Variants in VWA3B observed in about 807,000 individuals in gnomAD.
VWA3B encodes the protein von Willebrand factor A domain-containing protein 3B.
A neutral mutation model predicts 158.3 loss-of-function variants in VWA3B; 138 were observed. The observed-to-expected ratio is 0.87, with a 90% CI of 0.76 to 1.00. VWA3B has a LOEUF of 1.00. Ranked by LOEUF, VWA3B falls within the 50% of genes least tolerant of loss-of-function variation. The probability of loss-of-function intolerance (pLI) is 0.00; values close to 1 mark genes in which losing one functional copy is unlikely to be tolerated. For synonymous variants in VWA3B, 596 were observed against 587.3 expected, an observed-to-expected ratio of 1.01 and a Z score of -0.21; for missense variants, 1,555 against 1,565.1, an observed-to-expected ratio of 0.99 and a Z score of 0.11.
At chr2:98,171,245 A>G (rs1679558213) in intron 8 of VWA3B, among the ~76,000 whole-genome samples, 1 of 152,222 alleles carries the variant, frequency 6.6e-6, no homozygotes, top group South Asian at 2.1e-4. Context: ...TACATGAACC[A>G]TCTCTTGCTC....
intron 12 of VWA3B, among the ~76,000 whole-genome samples, chr2:98,202,065 T>TA (rs1682590203): frequency 1.3e-5 from 2 of 152,306 alleles, no homozygotes; most frequent in Admixed American, 1.3e-4. Context: ...TCTTTTTTTC[T>TA]AAAAAAGGTT....
At chr2:98,330,183 C>G in the VWA3B span, among the ~76,000 whole-genome samples, 2 of 152,188 alleles carry the variant, frequency 1.3e-5, no homozygotes, top group African/African-American at 4.8e-5. Flanking sequence ...TAATGCTAGA[C>G]AGCCAACATC....
At chr2:98,104,162 CTTAA>C (rs1017264542) in intron 2 of VWA3B, among the ~76,000 whole-genome samples, 5 of 152,140 alleles carry the variant, frequency 3.3e-5, no homozygotes, top group African/African-American at 9.7e-5. Context: ...TTGCATATGT[CTTAA>C]TTAATTAATT....
At chr2:98,247,061 G>A (rs13413281) in intron 19 of VWA3B, among the ~76,000 whole-genome samples, 7,630 of 151,232 alleles carry the variant, frequency 0.05, 619 homozygotes, top group African/African-American at 0.17. Context: ...GTAGTGGTGT[G>A]ATCTCGGCTC....
At chr2:98,258,751 A>G (rs1208551098) in intron 21 of VWA3B, among the ~76,000 whole-genome samples, 4 of 151,804 alleles carry the variant, frequency 2.6e-5, no homozygotes, top group African/African-American at 7.3e-5. Flanking sequence ...GGGGTTTTCT[A>G]TATATAGAAA....
At chr2:98,267,294 A>G (rs1003186039) in intron 21 of VWA3B, among the ~76,000 whole-genome samples, 25 of 151,434 alleles carry the variant, frequency 1.7e-4, no homozygotes, top group Admixed American at 2.0e-4. Flanking sequence ...TTCTGCATCT[A>G]TTGAGATAAT....
intron 22 of VWA3B, among the ~76,000 whole-genome samples, chr2:98,281,788 A>C (rs1208345551): frequency 6.6e-6 from 1 of 152,096 alleles, no homozygotes; most frequent in Non-Finnish European, 1.5e-5. Flanking sequence ...TTTGTAGACA[A>C]GGCTAAATCA....
chr2:98,251,522 T>C (rs1300892934), intron 20 of VWA3B, among the ~76,000 whole-genome samples: 1 of 152,160 alleles, frequency 6.6e-6, no homozygotes, highest in African/African-American at 2.4e-5. Context: ...TAATTAATCC[T>C]GGGTGCACAA....
chr2:98,135,481 G>A (rs901431140), intron 7 of VWA3B, among the ~76,000 whole-genome samples: 9 of 148,264 alleles, frequency 6.1e-5, no homozygotes, highest in Non-Finnish European at 1.1e-4. Context: ...GACTACAGGC[G>A]CCCGCCACTA....
At chr2:98,215,548 G>A (rs1185285026) in intron 13 of VWA3B, among the ~76,000 whole-genome samples, 1 of 151,418 alleles carries the variant, frequency 6.6e-6, no homozygotes, top group Non-Finnish European at 1.5e-5. Context: ...GACAGAGTCT[G>A]GCTCTGTCGC....
intron 5 of VWA3B, among the ~76,000 whole-genome samples, chr2:98,124,423 C>T (rs1435244847): frequency 6.6e-6 from 1 of 152,056 alleles, no homozygotes. Flanking sequence ...GACCCTGAAA[C>T]CTGGGAGGCC....
At chr2:98,241,946 C>T (rs2105762327) in intron 19 of VWA3B, among the ~76,000 whole-genome samples, 1 of 152,266 alleles carries the variant, frequency 6.6e-6, no homozygotes, top group Middle Eastern at 3.4e-3. Flanking sequence ...ACACCCTCAG[C>T]TATAAATGGA....
rs1574283650 is a variant in VWA3B at position 98,287,713 on chromosome 2, T to C, written c.3046-2798T>C. On this transcript the variant is annotated intron_variant, in intron 22 of 27. Coordinates refer to ENST00000477737, the MANE Select transcript of VWA3B (RefSeq NM_144992.5). ...GAAATAACAAAACAATCTTTTCCTTTCTTTTTCTGAAATTTCCTGGGGGTG... is the reference window on the plus strand; with the variant it reads ...GAAATAACAAAACAATCTTTTCCTTCCTTTTTCTGAAATTTCCTGGGGGTG... Among the ~76,000 whole-genome samples the C allele has an allele frequency of 2.6e-5, 4 of 152,334 alleles. 1 individual carries two copies. Among genetic ancestry groups the C allele is most frequent in the South Asian group, 2.1e-4 (1 of 4,826 alleles).
In VWA3B at chr2:98,256,118, T is replaced by A. The variant is rs1019517194; in HGVS notation, c.2793-6T>A. On this transcript the variant is annotated splice_region_variant and splice_polypyrimidine_tract_variant and intron_variant, in intron 20 of 27. Transcript: ENST00000477737. ...AAAATTATTGTTGACTTTTTTTTTTTAACAGGCGCTTGAATAAAATTGTTT... is the reference window on the plus strand; with the variant it reads ...AAAATTATTGTTGACTTTTTTTTTTAAACAGGCGCTTGAATAAAATTGTTT... 1.2e-6 allele frequency: 2 copies of A among 1,612,962 alleles called. No individual in the cohort carries two copies. Among genetic ancestry groups the A allele is most frequent in the Middle Eastern group, 3.3e-4 (2 of 6,052 alleles).
At chr2:98,212,830 T>TC (rs5832848) in intron 13 of VWA3B, among the ~76,000 whole-genome samples, 152,352 of 152,354 alleles carry the variant, frequency 1, 76,175 homozygotes, top group Non-Finnish European at 1. Flanking sequence ...CCTATCAACT[T>TC]ACTGTGTTTT....
At chr2:98,205,119 A>G (rs1682907540) in intron 12 of VWA3B, among the ~76,000 whole-genome samples, 1 of 152,204 alleles carries the variant, frequency 6.6e-6, no homozygotes, top group Non-Finnish European at 1.5e-5. Context: ...CAATAAATAA[A>G]TAAATTAATG....
intron 21 of VWA3B, among the ~76,000 whole-genome samples, chr2:98,256,700 A>G (rs1687175959): frequency 6.6e-6 from 1 of 152,158 alleles, no homozygotes; most frequent in African/African-American, 2.4e-5. Flanking sequence ...TCTTGGGTAT[A>G]TACCTAGCAG....
chr2:98,192,825 G>T, intron 10 of VWA3B, 73 bp from the exon 11 acceptor site: 8 of 1,602,594 alleles, frequency 5.0e-6, no homozygotes, highest in Non-Finnish European at 6.8e-6. Flanking sequence ...CAGATGCATC[G>T]TTAAGTTCTT....
At chr2:98,291,937 T>C (rs1689514408) in intron 23 of VWA3B, 1 of 151,036 alleles carries the variant, frequency 6.6e-6, no homozygotes, top group African/African-American at 2.4e-5. Context: ...GAGGAAGCTC[T>C]GTCAGGCAAA....
Sources: allele counts gnomAD v4.1 joint callset (sites outside exome capture counted in the v4.1 genomes callset), GRCh38; gene constraint gnomAD v4.1.1; transcripts MANE v1.5; gene names NCBI Gene and HGNC (gene_info 2026-07-23, HGNC 2026-07-21).